MEF2C: variants seen among roughly 807,000 people sequenced by gnomAD.
MEF2C encodes the protein myocyte enhancer factor 2C.
In MEF2C, 6 loss-of-function variants were observed where a neutral mutation model predicts 50.5. The observed-to-expected ratio is 0.12, with a 90% confidence interval of 0.07 to 0.23. MEF2C has a LOEUF of 0.23. MEF2C is among the 10% of genes least tolerant of loss of function. MEF2C has a pLI of 1.00. For missense variants in MEF2C, 276 were observed against 605.0 expected (o/e 0.46, Z 5.70); for synonymous variants, 183 against 228.0 (o/e 0.80, Z 1.78).
At chr5:88,760,665 T>G (rs1777434065) in intron 4 of MEF2C, among the ~76,000 whole-genome samples, 1 of 152,226 alleles carries the variant, frequency 6.6e-6, no homozygotes, top group Non-Finnish European at 1.5e-5. Flanking sequence ...TGGAAGGAGG[T>G]TCCAGTGTTT....
At chr5:88,814,656 C>A (rs1209061516) in intron 2 of MEF2C, among the ~76,000 whole-genome samples, 1 of 152,062 alleles carries the variant, frequency 6.6e-6, no homozygotes, top group Non-Finnish European at 1.5e-5. Flanking sequence ...ACCAACCCCT[C>A]ACCCTAAGTC....
chr5:88,853,967 C>T (rs1328675727), intron 1 of MEF2C, among the ~76,000 whole-genome samples: 1 of 152,140 alleles, frequency 6.6e-6, no homozygotes, highest in Non-Finnish European at 1.5e-5. Context: ...GTGACACAAA[C>T]AAGAACCACA....
chr5:88,743,871 C>CT (rs1768055731), intron 6 of MEF2C: 1 of 957,218 alleles, frequency 1.0e-6, no homozygotes, highest in Non-Finnish European at 1.2e-6. Flanking sequence ...ATGTTAGTTT[C>CT]TTTTTTATAA....
At chr5:88,725,549 A>G (rs964116611) in intron 10 of MEF2C, among the ~76,000 whole-genome samples, 1 of 152,064 alleles carries the variant, frequency 6.6e-6, no homozygotes, top group Non-Finnish European at 1.5e-5. Context: ...GAAATACTGC[A>G]TATGTGTGGG....
intron 2 of MEF2C, among the ~76,000 whole-genome samples, chr5:88,818,031 T>A (rs958732715): frequency 6.6e-6 from 1 of 151,944 alleles, no homozygotes; most frequent in Non-Finnish European, 1.5e-5. Flanking sequence ...AAGTGTTCTA[T>A]CCCACCAAAG....
At chr5:88,764,692 C>A (rs1281912099) in intron 3 of MEF2C, among the ~76,000 whole-genome samples, 1 of 150,796 alleles carries the variant, frequency 6.6e-6, no homozygotes, top group Non-Finnish European at 1.5e-5. Context: ...CCTGTAATTG[C>A]AGCTACTTGG....
At chr5:88,739,219 G>A (rs896402523) in intron 6 of MEF2C, 1 of 979,990 alleles carries the variant, frequency 1.0e-6, no homozygotes, top group African/African-American at 1.8e-5. Flanking sequence ...TTTGTTAATA[G>A]TATCTGATTT....
Position 88,735,119 on chromosome 5 carries a change from A to G in MEF2C, c.638-3218T>C, listed in dbSNP as rs183630545. 5.9e-4 allele frequency: 583 copies of G among 985,374 alleles called. 3 individuals carry two copies. The African/African-American group carries it at 9.6e-3, about 16-fold the overall frequency. 61.0% of individuals were successfully genotyped at this position (985,374 alleles called of 1,614,324 possible). A position where few individuals can be genotyped will look rare whatever the true frequency, so the allele number is the denominator to read the frequency against. ...GTGATATAGAAACCTATGATTTGAA[A>G]ATCAATGATGAATACATGCGTGTGG... On this transcript the variant is annotated intron_variant, in intron 6 of 10. Coordinates refer to ENST00000504921, the MANE Select transcript of MEF2C (RefSeq NM_002397.5).
At chr5:88,809,556 T>A (rs1801929731) in intron 2 of MEF2C, among the ~76,000 whole-genome samples, 1 of 152,310 alleles carries the variant, frequency 6.6e-6, no homozygotes, top group South Asian at 2.1e-4. Context: ...ATTTTCTTTA[T>A]TTGGAACAAA....
intron 3 of MEF2C, among the ~76,000 whole-genome samples, chr5:88,787,048 T>G (rs1052370035): frequency 2.6e-4 from 39 of 152,212 alleles, no homozygotes; most frequent in Non-Finnish European, 4.8e-4. Context: ...AAATACTGTG[T>G]ATATTCTGTC....
intron 2 of MEF2C, among the ~76,000 whole-genome samples, chr5:88,815,802 C>T (rs1208900415): frequency 2.6e-5 from 4 of 151,370 alleles, no homozygotes; most frequent in South Asian, 4.2e-4. Flanking sequence ...AGCATCATGT[C>T]TTTTAATCTA....
At chr5:88,779,722 A>G (rs1453707959) in intron 3 of MEF2C, among the ~76,000 whole-genome samples, 1 of 150,384 alleles carries the variant, frequency 6.6e-6, no homozygotes, top group Non-Finnish European at 1.5e-5. Flanking sequence ...CCAGAAAGTA[A>G]TATTTCAATA....
At chr5:88,774,062 G>A (rs1052284750) in intron 3 of MEF2C, among the ~76,000 whole-genome samples, 20 of 152,170 alleles carry the variant, frequency 1.3e-4, no homozygotes, top group African/African-American at 4.8e-4. Context: ...CATAAGGACA[G>A]GAAACCAGGA....
intron 10 of MEF2C, 102 bp downstream of exon 10, chr5:88,728,391 T>C: frequency 1.0e-6 from 1 of 965,622 alleles, no homozygotes; most frequent in Non-Finnish European, 1.4e-6. Flanking sequence ...TAAAGTAGAG[T>C]TTTATACCCG....
At chr5:88,738,640 A>G (rs977349176) in intron 6 of MEF2C, 3 of 985,258 alleles carry the variant, frequency 3.0e-6, no homozygotes, top group South Asian at 9.4e-5. Context: ...TGAGATAGTG[A>G]AAGCCTTTCT....
intron 6 of MEF2C, chr5:88,733,929 A>T: frequency 1.0e-6 from 1 of 985,396 alleles, no homozygotes; most frequent in Non-Finnish European, 1.2e-6. Flanking sequence ...AAGCTAGATA[A>T]ATATGACAAA....
intron 9 of MEF2C, 51 bp from the exon 10 acceptor site, chr5:88,728,679 C>A: frequency 2.5e-6 from 3 of 1,222,308 alleles, no homozygotes; most frequent in Admixed American, 3.5e-5. Flanking sequence ...TAGAAATTAT[C>A]AAATGGTAAA....
intron 3 of MEF2C, among the ~76,000 whole-genome samples, chr5:88,796,044 T>C (rs1358094537): frequency 1.3e-5 from 2 of 152,230 alleles, no homozygotes. Flanking sequence ...GGTTTGCCAG[T>C]ATTTTATTGA....
chr5:88,868,610 A>C (rs552989528), intron 1 of MEF2C, among the ~76,000 whole-genome samples: 40 of 152,068 alleles, frequency 2.6e-4, no homozygotes, highest in Middle Eastern at 3.4e-3. Context: ...ACACACTACA[A>C]TTCTCCCCCA....
Sources: gnomAD v4.1 joint callset for allele counts (sites outside exome capture counted in the v4.1 genomes callset) on GRCh38, gnomAD v4.1.1 for gene constraint, MANE v1.5 for transcripts, NCBI Gene and HGNC (gene_info 2026-07-23, HGNC 2026-07-21) for gene names.